Variants in KNTC1 observed in about 807,000 individuals in gnomAD.
KNTC1 encodes kinetochore-associated protein 1.
Under a neutral mutation model 314.4 loss-of-function variants are expected in KNTC1, and 253 were observed. The ratio of observed to expected loss-of-function variants is 0.80; its 90% CI spans 0.73 to 0.89. KNTC1 has a LOEUF of 0.89. KNTC1 is among the 40% of genes least tolerant of loss of function. The pLI, the probability that KNTC1 is intolerant of heterozygous loss-of-function variation, is 0.00. For synonymous variants in KNTC1, 901 were observed against 901.4 expected (o/e 1.00, Z 0.01); for missense variants, 2,475 against 2,572.9 (o/e 0.96, Z 0.82).
At position 122,620,609 on chromosome 12, in the gene KNTC1, G is replaced by A; in HGVS notation, c.6279+1G>A. ...AGAGAAAAGACACCAGCAAATTAAGGTATCGTGCACATGATTCCTCTGGGC... is the reference window on the plus strand; with the variant it reads ...AGAGAAAAGACACCAGCAAATTAAGATATCGTGCACATGATTCCTCTGGGC... On this transcript the variant is annotated splice_donor_variant, in intron 60 of 63. Transcript: ENST00000333479. LOFTEE classifies it high-confidence loss of function. The A allele has an allele frequency of 1.2e-6, 2 of 1,612,942 alleles. No individual in the cohort carries two copies. The highest frequency in any genetic ancestry group is 1.7e-6 in the Non-Finnish European group (2 of 1,179,314).
chr12:122,547,632 C>T, intron 11 of KNTC1, 102 bp downstream of exon 11: 1 of 781,196 alleles, frequency 1.3e-6, no homozygotes, highest in Non-Finnish European at 2.1e-6. Context: ...TTCTAAACAA[C>T]ACTGTGAAAC....
intron 26 of KNTC1, among the ~76,000 whole-genome samples, chr12:122,573,972 A>G (rs1286587024): frequency 6.6e-6 from 1 of 152,198 alleles, no homozygotes. Context: ...CCACAGGAGC[A>G]TGAACTCAAT....
Position 122,575,565 on chromosome 12 carries a change from A to C in KNTC1, c.2405A>C (p.Lys802Thr), listed in dbSNP as rs753021299. ...TAGCTCATATTTGATGCCGTGCTCA[A>C]GATCATGTATGCGGCAGTGGTTCCT... ...DTDLIFDAVLKIMYAAVVPWS... is the reference protein window; with the variant it reads ...DTDLIFDAVLTIMYAAVVPWS... Residue 802 changes from lysine (K) to threonine (T), a missense_variant, in exon 28 of 64, where the codon AAG (lysine) becomes ACG (threonine). Coordinates refer to ENST00000333479, the MANE Select transcript of KNTC1 (RefSeq NM_014708.6). 2 of 1,594,398 alleles carry C rather than the reference A, an allele frequency of 1.3e-6. No individual in the cohort carries two copies. The highest frequency in any genetic ancestry group is 4.5e-5 in the East Asian group (2 of 44,310).
intron 16 of KNTC1, among the ~76,000 whole-genome samples, chr12:122,552,653 C>A (rs1373142524): frequency 1.3e-5 from 2 of 152,136 alleles, no homozygotes; most frequent in African/African-American, 4.8e-5. Context: ...CCTAAGCCAC[C>A]ACTTGTGGCC....
chr12:122,607,150 A>G (rs1593670779), intron 51 of KNTC1, among the ~76,000 whole-genome samples: 1 of 151,614 alleles, frequency 6.6e-6, no homozygotes, highest in South Asian at 2.1e-4. Flanking sequence ...TGCAACCCCC[A>G]CCTCCTGGGT....
intron 24 of KNTC1, 65 bp from the exon 25 acceptor site, chr12:122,572,872 C>A: frequency 8.0e-7 from 1 of 1,257,226 alleles, no homozygotes; most frequent in Non-Finnish European, 1.1e-6. Context: ...TGAAATAATT[C>A]TGATTCTATT....
chr12:122,612,600 G>C lies in KNTC1; in HGVS notation c.5623-512G>C, dbSNP rs146314363. 8.4e-3 allele frequency among the ~76,000 whole-genome samples: 1,270 copies of C among 150,982 alleles called. 18 individuals are homozygous for C. Among genetic ancestry groups the C allele is most frequent in the Admixed American group, 0.024 (359 of 15,158 alleles). On this transcript the variant is annotated intron_variant, in intron 53 of 63. Coordinates refer to ENST00000333479, the MANE Select transcript of KNTC1 (RefSeq NM_014708.6). ...CACCCGGCTAATTTTTGTATTTTTA[G>C]TAGAGACGTGGGTTTCACCATGTTG...
At chr12:122,532,206 C>CTTT (rs139344183) in intron 2 of KNTC1, among the ~76,000 whole-genome samples, 10 of 99,534 alleles carry the variant, frequency 1.0e-4, no homozygotes, top group Admixed American at 2.4e-4. Flanking sequence ...GCTAATTTTT[C>CTTT]TTTTTTTTTT....
Position 122,568,387 on chromosome 12 carries a change from A to C in KNTC1, c.1716+15A>C, listed in dbSNP as rs1296287103. 4 of 1,417,664 alleles carry C rather than the reference A, an allele frequency of 2.8e-6. No homozygotes were observed. Among genetic ancestry groups the C allele is most frequent in the Non-Finnish European group, 4.0e-6 (4 of 1,002,018 alleles). 87.8% of individuals were successfully genotyped at this position (1,417,664 alleles called of 1,614,324 possible). ...TTCGACATCGGGTAACATGTTTTAC[A>C]TTTTTTCCTTAACAGCTTTATAGCT... On this transcript the variant is annotated intron_variant, in intron 21 of 63. Transcript: ENST00000333479.
At chr12:122,580,071 GT>G in intron 32 of KNTC1, 94 bp downstream of exon 32, 2 of 771,804 alleles carry the variant, frequency 2.6e-6, no homozygotes, top group South Asian at 3.3e-5. Context: ...CGTACCCGCA[GT>G]TTTTCTGGTT....
intron 42 of KNTC1, among the ~76,000 whole-genome samples, chr12:122,592,410 C>T (rs907036835): frequency 1.3e-5 from 2 of 152,200 alleles, no homozygotes; most frequent in African/African-American, 4.8e-5. Context: ...GGAGTGTGAG[C>T]GCACGGCACG....
rs1871268100 is a variant in KNTC1 at position 122,597,796 on chromosome 12, A to G, written c.4421A>G (p.Asn1474Ser). ...ATTGAAACGCTGCTCCACAACACAA[A>G]TGCCGGCCAAGGCCAGGGAGATGCA... ...LFIETLLHNTNAGQGQGDASM... is the reference protein window; with the variant it reads ...LFIETLLHNTSAGQGQGDASM... Residue 1474 changes from asparagine to serine, a missense_variant, in exon 44 of 64, where the codon AAT becomes AGT. Transcript: ENST00000333479. 2.5e-6 allele frequency: 4 copies of G among 1,613,884 alleles called. No homozygotes were observed. Among genetic ancestry groups the G allele is most frequent in the Non-Finnish European group, 3.4e-6 (4 of 1,179,888 alleles).
At position 122,580,604 on chromosome 12, in the gene KNTC1, C is replaced by T. The variant is rs1565980841; in HGVS notation, c.2916C>T (p.Asp972=). ...ILKILCDIQK[D]NLQKKDECEE... The stretch of plus-strand genomic sequence containing the variant: ...TAACTTTTAAAAATTTAATTACAGA[C>T]AATCTGCAGAAGAAGGACGAATGTG... Residue 972 remains aspartate, a splice_region_variant and synonymous_variant, in exon 33 of 64, where the codon GAC becomes GAT. Transcript: ENST00000333479. 6.5e-7 allele frequency: 1 copy of T among 1,549,140 alleles called. No individual in the cohort carries two copies. Among genetic ancestry groups the T allele is most frequent in the Non-Finnish European group, 8.8e-7 (1 of 1,141,212 alleles).
intron 21 of KNTC1, among the ~76,000 whole-genome samples, chr12:122,568,785 G>A (rs1035778027): frequency 2.0e-5 from 3 of 151,934 alleles, no homozygotes; most frequent in African/African-American, 4.8e-5. Context: ...GCAGTGAGCC[G>A]AGATCACGCC....
chr12:122,615,428 T>G (rs1169333529), intron 56 of KNTC1, 42 bp from the exon 57 acceptor site: 5 of 1,443,632 alleles, frequency 3.5e-6, no homozygotes, highest in Non-Finnish European at 4.6e-6. Context: ...AATTTTCCAT[T>G]TTGGTGGTCT....
At position 122,568,378 on chromosome 12, in the gene KNTC1, A is replaced by G; in HGVS notation, c.1716+6A>G. On this transcript the variant is annotated splice_donor_region_variant and intron_variant, in intron 21 of 63. Coordinates refer to ENST00000333479, the MANE Select transcript of KNTC1 (RefSeq NM_014708.6). Reference sequence around the variant, plus strand: ...ATCTTTGGCTTCGACATCGGGTAACATGTTTTACATTTTTTCCTTAACAGC... The same window carrying G: ...ATCTTTGGCTTCGACATCGGGTAACGTGTTTTACATTTTTTCCTTAACAGC... 1.3e-6 allele frequency: 2 copies of G among 1,504,640 alleles called. No homozygotes were observed. The highest frequency in any genetic ancestry group is 1.8e-6 in the Non-Finnish European group (2 of 1,082,026). 93.2% of individuals were successfully genotyped at this position (1,504,640 alleles called of 1,614,324 possible). A position where few individuals can be genotyped will look rare whatever the true frequency, so the allele number is the denominator to read the frequency against.
intron 33 of KNTC1, among the ~76,000 whole-genome samples, chr12:122,581,674 T>C (rs1868407941): frequency 6.6e-6 from 1 of 150,564 alleles, no homozygotes; most frequent in African/African-American, 2.5e-5. Flanking sequence ...TTTGTGTTTT[T>C]AATAGAGACG....
chr12:122,568,775 G>A (rs1242209268), intron 21 of KNTC1, among the ~76,000 whole-genome samples: 1 of 152,068 alleles, frequency 6.6e-6, no homozygotes, highest in East Asian at 1.9e-4. Flanking sequence ...GGTGGAGGTT[G>A]CAGTGAGCCG....
intron 1 of KNTC1, among the ~76,000 whole-genome samples, chr12:122,529,748 G>T (rs1347789495): frequency 6.6e-6 from 1 of 152,200 alleles, no homozygotes; most frequent in South Asian, 2.1e-4. Context: ...GACACACAAA[G>T]TAATGGAAGC....
Sources: gnomAD v4.1 joint callset for allele counts (sites outside exome capture counted in the v4.1 genomes callset) on GRCh38, gnomAD v4.1.1 for gene constraint, MANE v1.5 for transcripts, NCBI Gene and HGNC (gene_info 2026-07-23, HGNC 2026-07-21) for gene names.